The following ATP8A2 variants were observed in gnomAD, a reference collection of about 807,000 sequenced individuals.
The protein encoded by ATP8A2 is phospholipid-transporting ATPase IB.
A neutral mutation model predicts 165.6 loss-of-function variants in ATP8A2; 100 were observed. The observed-to-expected ratio is 0.60, with a 90% CI of 0.51 to 0.71. ATP8A2 has a LOEUF of 0.71. Ranked by LOEUF, ATP8A2 falls within the 30% of genes least tolerant of loss-of-function variation. The pLI is 0.00. For missense variants in ATP8A2, 1,227 were observed against 1,479.5 expected (o/e 0.83, Z 2.80); for synonymous variants, 543 against 548.8 (o/e 0.99, Z 0.15).
chr13:25,863,684 T>G (rs1952420537), intron 33 of ATP8A2: 1 of 152,226 alleles, frequency 6.6e-6, no homozygotes, highest in South Asian at 2.1e-4. Flanking sequence ...CAACTGTTTC[T>G]CGTGAGATAG....
rs1312287170 is a variant in ATP8A2, at chr13:25,469,009, G to T, written c.109G>T (p.Ala37Ser). 6.8e-6 allele frequency: 11 copies of T among 1,613,930 alleles called. No individual in the cohort carries two copies. The highest frequency in any genetic ancestry group is 9.3e-6 in the Non-Finnish European group (11 of 1,179,904). ...TCGTTCTTCTTTGGGCTATAAGAAG[G>T]CAGAGGATGAGATGTCCCGGGCCAC... ...PVRSSLGYKKAEDEMSRATSV... is the reference protein window; with the variant it reads ...PVRSSLGYKKSEDEMSRATSV... Residue 37 changes from alanine to serine, a missense_variant, in exon 2 of 37, where the codon GCA (alanine) becomes TCA (serine). Physicochemically the swap from Ala to Ser is moderately conservative, Grantham distance 99. Transcript: ENST00000381655.
chr13:25,829,559 A>G (rs1216593615), intron 28 of ATP8A2, among the ~76,000 whole-genome samples: 2 of 150,874 alleles, frequency 1.3e-5, no homozygotes, highest in African/African-American at 4.9e-5. Context: ...TGAAAGGGTC[A>G]GGTATCAATG....
At position 25,559,856 on chromosome 13, in the gene ATP8A2, C is replaced by A; in HGVS notation, c.1397+91C>A. ...ATTCATTTACATTTTTAGAGACAGC[C>A]TCACTCTATTGCACAGGATGGAGTG... On this transcript the variant is annotated intron_variant, in intron 15 of 36. Coordinates refer to ENST00000381655, the MANE Select transcript of ATP8A2 (RefSeq NM_016529.6). The A allele has an allele frequency of 2.7e-5, 27 of 1,000,540 alleles. No individual in the cohort carries two copies. The South Asian group carries it at 3.5e-4, about 13-fold the overall frequency. 62.0% of individuals were successfully genotyped at this position (1,000,540 alleles called of 1,614,324 possible).
intron 35 of ATP8A2, among the ~76,000 whole-genome samples, chr13:25,996,523 A>C (rs921766874): frequency 9.2e-5 from 14 of 152,004 alleles, no homozygotes; most frequent in Admixed American, 2.6e-4. Context: ...GAACTTTCTT[A>C]TTATTATTTT....
chr13:25,927,255 T>C, intron 33 of ATP8A2: 3 of 456,624 alleles, frequency 6.6e-6, no homozygotes, highest in Non-Finnish European at 8.8e-6. Context: ...ACAGAAAGAT[T>C]AAACGTCTGC....
chr13:25,546,436 T>A (rs1348153087), intron 10 of ATP8A2, among the ~76,000 whole-genome samples: 2 of 151,830 alleles, frequency 1.3e-5, no homozygotes, highest in African/African-American at 4.8e-5. Flanking sequence ...CCATCCTGTT[T>A]GTGAAATAAC....
At chr13:25,744,914 C>T (rs1314329665) in intron 25 of ATP8A2, among the ~76,000 whole-genome samples, 1 of 150,520 alleles carries the variant, frequency 6.6e-6, no homozygotes, top group Non-Finnish European at 1.5e-5. Flanking sequence ...AGCACTAGAG[C>T]AGGGGCCCAG....
chr13:25,994,944 G>A (rs1164008490), intron 35 of ATP8A2, among the ~76,000 whole-genome samples: 4 of 152,128 alleles, frequency 2.6e-5, no homozygotes, highest in South Asian at 2.1e-4. Flanking sequence ...TGTAGAACTG[G>A]TGGTAAGTCT....
chr13:25,758,382 C>G (rs1384493007), intron 25 of ATP8A2, among the ~76,000 whole-genome samples: 1 of 152,150 alleles, frequency 6.6e-6, no homozygotes, highest in Non-Finnish European at 1.5e-5. Context: ...AGGAGTAAAA[C>G]AAGTCCCTAA....
intron 17 of ATP8A2, 48 bp downstream of exon 17, chr13:25,570,920 C>T: frequency 7.4e-7 from 1 of 1,358,406 alleles, no homozygotes; most frequent in Non-Finnish European, 1.0e-6. Context: ...CTCAGGACAC[C>T]TGGGTGTTGC....
At chr13:25,719,613 T>G (rs1003233917) in intron 25 of ATP8A2, among the ~76,000 whole-genome samples, 7 of 152,232 alleles carry the variant, frequency 4.6e-5, no homozygotes, top group African/African-American at 1.7e-4. Context: ...ATAAGGTAGA[T>G]TCAATCATTT....
chr13:25,586,880 T>C (rs1431885565), intron 23 of ATP8A2, among the ~76,000 whole-genome samples: 1 of 152,228 alleles, frequency 6.6e-6, no homozygotes, highest in Non-Finnish European at 1.5e-5. Flanking sequence ...TGTGAAGCAT[T>C]ATCTTGTATT....
intron 22 of ATP8A2, among the ~76,000 whole-genome samples, chr13:25,581,156 T>C (rs1486533486): frequency 6.6e-6 from 1 of 152,178 alleles, no homozygotes; most frequent in African/African-American, 2.4e-5. Flanking sequence ...GTAGAGGTGC[T>C]ATGTCCTGGA....
chr13:25,823,924 A>C (rs1399107934), intron 27 of ATP8A2, among the ~76,000 whole-genome samples: 1 of 151,988 alleles, frequency 6.6e-6, no homozygotes, highest in Non-Finnish European at 1.5e-5. Context: ...TTTGCTGAGA[A>C]TTGTGTTCTC....
rs145927222 is a variant in ATP8A2 at position 25,752,173 on chromosome 13, C to T, written c.2385-16873C>T. On this transcript the variant is annotated intron_variant, in intron 25 of 36. Transcript: ENST00000381655. Reference sequence around the variant, plus strand: ...GGCTATTTATCCTAAGAAATTTATCCTAAGAGGCCAGGCGCAGTGGCTCAC... The same window carrying T: ...GGCTATTTATCCTAAGAAATTTATCTTAAGAGGCCAGGCGCAGTGGCTCAC... 3.6e-3 allele frequency among the ~76,000 whole-genome samples: 540 copies of T among 151,942 alleles called. 4 individuals are homozygous for T. Among genetic ancestry groups the T allele is most frequent in the African/African-American group, 0.013 (519 of 41,420 alleles).
chr13:25,586,328 C>A (rs2039920155), intron 23 of ATP8A2, among the ~76,000 whole-genome samples: 1 of 152,082 alleles, frequency 6.6e-6, no homozygotes, highest in Non-Finnish European at 1.5e-5. Context: ...ACAAAAATGA[C>A]TGAGAATAGA....
At chr13:25,714,593 C>T (rs572766754) in intron 25 of ATP8A2, among the ~76,000 whole-genome samples, 10 of 152,232 alleles carry the variant, frequency 6.6e-5, no homozygotes, top group East Asian at 5.8e-4. Context: ...GGAAATGACA[C>T]GAGACACGTA....
At chr13:25,436,895 G>A (rs1001906771) in intron 1 of ATP8A2, among the ~76,000 whole-genome samples, 1 of 151,848 alleles carries the variant, frequency 6.6e-6, no homozygotes, top group Non-Finnish European at 1.5e-5. Context: ...TCCCACCTCA[G>A]CCTCCTGAGT....
intron 2 of ATP8A2, among the ~76,000 whole-genome samples, chr13:25,510,655 T>C (rs574043762): frequency 2.6e-5 from 4 of 152,226 alleles, no homozygotes; most frequent in African/African-American, 4.8e-5. Context: ...TAGGTGTCAA[T>C]TGCCGCTGGC....
Sources: allele counts gnomAD v4.1 joint callset (sites outside exome capture counted in the v4.1 genomes callset), GRCh38; gene constraint gnomAD v4.1.1; transcripts MANE v1.5; gene names NCBI Gene and HGNC (gene_info 2026-07-23, HGNC 2026-07-21).